Variants in RIC3 observed in about 807,000 individuals in gnomAD.
RIC3 encodes the protein RIC3 acetylcholine receptor chaperone.
Under a neutral mutation model 27.3 loss-of-function variants are expected in RIC3, and 28 were observed. The ratio of observed to expected loss-of-function variants is 1.02; its 90% CI spans 0.76 to 1.41. The LOEUF (loss-of-function observed/expected upper bound fraction) is 1.41, where lower values mean the gene tolerates loss of function less well. Among genes scored for constraint, RIC3 ranks in the 40% most tolerant of loss-of-function variants. The pLI is 0.00. For missense variants in RIC3, 501 were observed against 444.7 expected (o/e 1.13, Z -1.14); for synonymous variants, 184 against 160.4 (o/e 1.15, Z -1.11).
At chr11:8,127,911 A>T (rs183637203) in intron 4 of RIC3, among the ~76,000 whole-genome samples, 1 of 152,264 alleles carries the variant, frequency 6.6e-6, no homozygotes, top group Non-Finnish European at 1.5e-5. Flanking sequence ...TCTCCTTTCA[A>T]CATGAAGATA....
chr11:8,118,121 G>T (rs573722138), intron 5 of RIC3, among the ~76,000 whole-genome samples: 6 of 151,590 alleles, frequency 4.0e-5, no homozygotes, highest in African/African-American at 1.5e-4. Flanking sequence ...TACTTGGGAG[G>T]CTGAGGCAGG....
chr11:8,146,707 G>A (rs1949714838), intron 1 of RIC3, among the ~76,000 whole-genome samples: 1 of 151,624 alleles, frequency 6.6e-6, no homozygotes, highest in South Asian at 2.1e-4. Flanking sequence ...GTCCAGAAAG[G>A]CAGGATAATT....
At chr11:8,167,674 T>C (rs1336559935) in intron 1 of RIC3, among the ~76,000 whole-genome samples, 3 of 151,770 alleles carry the variant, frequency 2.0e-5, no homozygotes, top group Admixed American at 6.6e-5. Context: ...CGAAGAATCT[T>C]CACTGTTCAG....
At chr11:8,122,864 CAAAAA>C (rs55826618) in intron 5 of RIC3, among the ~76,000 whole-genome samples, 4 of 63,524 alleles carry the variant, frequency 6.3e-5, no homozygotes, top group East Asian at 4.8e-4. Flanking sequence ...ACCAGGTATG[CAAAAA>C]AAAAAAAAAA....
the RIC3 span, chr11:8,100,402 G>T: frequency 1.1e-6 from 1 of 888,976 alleles, no homozygotes. Flanking sequence ...TCGGAGTGGA[G>T]ATGGTGGGAA....
chr11:8,168,345 A>G (rs2134436118), intron 1 of RIC3, among the ~76,000 whole-genome samples: 1 of 152,334 alleles, frequency 6.6e-6, no homozygotes, highest in African/African-American at 2.4e-5. Context: ...AAAATCTTCA[A>G]GATATATTTT....
intron 4 of RIC3, among the ~76,000 whole-genome samples, chr11:8,134,883 C>T (rs565481550): frequency 5.5e-4 from 84 of 152,108 alleles, no homozygotes; most frequent in Middle Eastern, 3.4e-3. Context: ...TCGTAGATTC[C>T]GGATATTAGC....
At chr11:8,117,799 T>C (rs1006471888) in intron 5 of RIC3, among the ~76,000 whole-genome samples, 1 of 152,030 alleles carries the variant, frequency 6.6e-6, no homozygotes, top group Admixed American at 6.6e-5. Flanking sequence ...TCAATATATA[T>C]AATTTTATGT....
rs1445101383 is a variant in RIC3 at position 8,139,996 on chromosome 11, A to G, written c.322T>C (p.Phe108Leu). The change falls in exon 2 of 6, where the codon TTT (phenylalanine) becomes CTT (leucine). Residue 108 changes from phenylalanine to leucine, a missense_variant. By Grantham distance (22) the Phe-to-Leu change is conservative. Transcript: ENST00000309737. ...QIIPIYGFGI[F>L]LYILYILFKL... ...AATAGAATGTACAGTATATATAAAAAAATCCCAAAACCGTAGATTGGAATA... is the reference window on the plus strand; with the variant it reads ...AATAGAATGTACAGTATATATAAAAGAATCCCAAAACCGTAGATTGGAATA... 1.2e-6 allele frequency: 2 copies of G among 1,614,142 alleles called. No homozygotes were observed. Among genetic ancestry groups the G allele is most frequent in the South Asian group, 2.2e-5 (2 of 91,084 alleles).
At chr11:8,154,512 T>C (rs1371520440) in intron 1 of RIC3, among the ~76,000 whole-genome samples, 3 of 152,204 alleles carry the variant, frequency 2.0e-5, no homozygotes, top group Non-Finnish European at 4.4e-5. Flanking sequence ...CACATGCTTC[T>C]CCAACTTTCC....
At chr11:8,164,781 CA>C (rs199958835) in intron 1 of RIC3, among the ~76,000 whole-genome samples, 861 of 83,974 alleles carry the variant, frequency 0.01, 2 homozygotes, top group African/African-American at 0.026. Flanking sequence ...CTGTCTCTCT[CA>C]AAAAAAAAAA....
intron 5 of RIC3, among the ~76,000 whole-genome samples, chr11:8,113,535 C>A (rs1945496005): frequency 6.6e-6 from 1 of 152,148 alleles, no homozygotes; most frequent in South Asian, 2.1e-4. Context: ...AGCCCAGTGC[C>A]AAATTGGCAC....
intron 5 of RIC3, among the ~76,000 whole-genome samples, chr11:8,114,281 A>C (rs768602872): frequency 2.8e-4 from 43 of 152,248 alleles, no homozygotes; most frequent in Middle Eastern, 3.4e-3. Context: ...CCAATGAACA[A>C]AATAAAGCAC....
chr11:8,097,384 C>G, the RIC3 span: 1 of 1,614,188 alleles, frequency 6.2e-7, no homozygotes, highest in Non-Finnish European at 8.5e-7. Context: ...GGGCATGTAC[C>G]CCACCTACTT....
intron 5 of RIC3, among the ~76,000 whole-genome samples, chr11:8,124,115 G>GCAAGCAAGCAAGCAAGCAAA (rs1946763632): frequency 6.7e-6 from 1 of 150,076 alleles, no homozygotes; most frequent in Admixed American, 6.8e-5. Context: ...GAGAAAGCAA[G>GCAAGCAAGCAAGCAAGCAAA]CAAGCAAGCA....
chr11:8,115,488 G>A (rs1184876808), intron 5 of RIC3, among the ~76,000 whole-genome samples: 1 of 151,720 alleles, frequency 6.6e-6, no homozygotes, highest in Non-Finnish European at 1.5e-5. Flanking sequence ...ACACTATTCA[G>A]TAACACAAAT....
At position 8,139,890 on chromosome 11, in the gene RIC3, G is replaced by A. The variant is rs772986759; in HGVS notation, c.351+77C>T. 6 of 1,297,724 alleles carry A rather than the reference G, an allele frequency of 4.6e-6. No homozygotes were observed. The African/African-American group carries it at 9.0e-5, about 19-fold the overall frequency. 80.4% of individuals were successfully genotyped at this position (1,297,724 alleles called of 1,614,324 possible). On this transcript the variant is annotated intron_variant, in intron 2 of 5. Coordinates refer to ENST00000309737, the MANE Select transcript of RIC3 (RefSeq NM_001206671.4). ...GAAATAATTTTATGAACTATAAGAA[G>A]TTTTAATGTAGACAATGATTTTTAT...
chr11:8,120,876 G>T (rs1448436452), intron 5 of RIC3, among the ~76,000 whole-genome samples: 1 of 152,040 alleles, frequency 6.6e-6, no homozygotes, highest in Non-Finnish European at 1.5e-5. Flanking sequence ...AAACTTTTTA[G>T]GGAAAATGGC....
intron 4 of RIC3, among the ~76,000 whole-genome samples, chr11:8,132,825 A>G (rs1362914333): frequency 2.0e-5 from 3 of 152,228 alleles, no homozygotes; most frequent in Non-Finnish European, 4.4e-5. Flanking sequence ...TTGATCTGAC[A>G]GAACAAATAC....
Sources: allele counts gnomAD v4.1 joint callset (sites outside exome capture counted in the v4.1 genomes callset), GRCh38; gene constraint gnomAD v4.1.1; transcripts MANE v1.5; gene names NCBI Gene and HGNC (gene_info 2026-07-23, HGNC 2026-07-21).